EPHX3: variants seen among roughly 807,000 people sequenced by gnomAD.
The protein encoded by EPHX3 is epoxide hydrolase 3, also known as abhydrolase domain containing 9.
EPHX3 carries 39 observed loss-of-function variants against 40.2 expected under a neutral mutation model. That is an observed-to-expected ratio of 0.97 (90% CI 0.75 to 1.27). EPHX3 has a LOEUF of 1.27. Among genes scored for constraint, EPHX3 ranks in the 50% most tolerant of loss-of-function variants. The pLI, the probability that EPHX3 is intolerant of heterozygous loss-of-function variation, is 0.00. For synonymous variants in EPHX3, 213 were observed against 209.7 expected (o/e 1.02, Z -0.14); for missense variants, 442 against 474.0 (o/e 0.93, Z 0.63).
rs781166308 is a variant in EPHX3 at position 15,231,237 on chromosome 19, A to C, written c.487+2T>G. 1.2e-6 allele frequency: 2 copies of C among 1,613,870 alleles called. No individual in the cohort carries two copies. The highest frequency in any genetic ancestry group is 1.1e-5 in the South Asian group (1 of 91,070). On this transcript the variant is annotated splice_donor_variant, in intron 3 of 6. Transcript: ENST00000221730. LOFTEE classifies it high-confidence loss of function. Reference sequence around the variant, plus strand: ...ACGCCTAGGATGGGGGTATGTCTGCACCCAGGCCTAGGATGACATCTTTGA... The same window carrying C: ...ACGCCTAGGATGGGGGTATGTCTGCCCCCAGGCCTAGGATGACATCTTTGA...
At chr19:15,229,885 C>CAAAAAAA (rs546876108) in intron 4 of EPHX3, among the ~76,000 whole-genome samples, 5 of 9,368 alleles carry the variant, frequency 5.3e-4, no homozygotes, top group East Asian at 5.2e-3. Context: ...GACTCTGTCT[C>CAAAAAAA]AAAAAAAAAA....
At chr19:15,227,710 T>C (rs2145478547) in intron 6 of EPHX3, 48 bp from the exon 7 acceptor site, 1 of 1,610,028 alleles carries the variant, frequency 6.2e-7, no homozygotes, top group South Asian at 1.1e-5. Flanking sequence ...AGAAGGATGG[T>C]TGCCTCCCAC....
At chr19:15,235,686 G>A (rs1037479948), upstream of EPHX3, 2 of 152,044 alleles carry the variant, frequency 1.3e-5, no homozygotes, top group Admixed American at 6.6e-5. Flanking sequence ...CAAGCGATCC[G>A]TGCATACAGT....
Position 15,228,055 on chromosome 19 carries a change from A to C in EPHX3, c.662T>G (p.Met221Arg). 1.5e-6 allele frequency: 2 copies of C among 1,357,194 alleles called. No homozygotes were observed. Among genetic ancestry groups the C allele is most frequent in the South Asian group, 1.1e-5 (1 of 87,404 alleles). The allele number at this position is 1,357,194 out of a possible 1,614,324, so 84.1% of individuals were successfully genotyped here. Residue 221 changes from methionine (M) to arginine (R), a missense_variant, in exon 5 of 7, where the codon ATG becomes AGG. Coordinates refer to ENST00000221730, the MANE Select transcript of EPHX3 (RefSeq NM_024794.3). ...CAGCCAGGGCAGCTGGAACAGGAAC[A>C]TGTAGTGGGAACGGAAGAACTGGCT... ...HISQFFRSHY[M>R]FLFQLPWLPE...
Position 15,232,146 on chromosome 19 carries a change from G to T in EPHX3, c.66C>A (p.Ala22=). The change falls in exon 1 of 7, where the codon GCC becomes GCA. Residue 22 remains alanine (A), a synonymous_variant. Coordinates refer to ENST00000221730, the MANE Select transcript of EPHX3 (RefSeq NM_024794.3). ...PSRLSLKLLR[A]FMWSLVFSVA... is the part of the protein sequence containing the mutation. ...CCGAGAACACCAGGCTCCACATGAA[G>T]GCGCGCAGCAGCTTCAGCGACAGGC... 1 of 1,534,074 alleles carries T rather than the reference G, an allele frequency of 6.5e-7. No homozygotes were observed. The highest frequency in any genetic ancestry group is 8.7e-7 in the Non-Finnish European group (1 of 1,147,724).
upstream of EPHX3, among the ~76,000 whole-genome samples, chr19:15,234,753 T>C (rs1245444060): frequency 6.6e-6 from 1 of 152,152 alleles, no homozygotes; most frequent in African/African-American, 2.4e-5. Flanking sequence ...CTTTTATCCA[T>C]ATACCTTTGT....
At chr19:15,232,488 GA>G, upstream of EPHX3, 9 of 1,244,296 alleles carry the variant, frequency 7.2e-6, no homozygotes, top group East Asian at 3.5e-5. Context: ...GGAAAGGGGG[GA>G]AATAAATGGG....
At chr19:15,234,370 A>G (rs2145488588), upstream of EPHX3, among the ~76,000 whole-genome samples, 1 of 151,978 alleles carries the variant, frequency 6.6e-6, no homozygotes. Context: ...TTTTTTTTTC[A>G]GATGGAGTTT....
rs765069979 is a variant in EPHX3, at chr19:15,231,822, C to T, written c.283G>A (p.Gly95Ser). Residue 95 changes from glycine (G) to serine (S), a missense_variant, in exon 2 of 7, where the codon GGT becomes AGT. Gly to Ser is a moderately conservative substitution (Grantham distance 56). Transcript: ENST00000221730. The stretch of plus-strand genomic sequence containing the variant: ...AGAAACAGCATGAGGGGTCCGTTAC[C>T]TCGTCCAGCCGAGACATAGTGCAGA... The part of the protein sequence containing the change: ...LRLHYVSAGR[G>S]NGPLMLFLHG... The T allele has an allele frequency of 3.1e-6, 5 of 1,613,848 alleles. No homozygotes were observed. The South Asian group carries it at 5.5e-5, about 18-fold the overall frequency.
upstream of EPHX3, chr19:15,236,339 C>T (rs1028965182): frequency 1.3e-5 from 2 of 152,138 alleles, no homozygotes; most frequent in African/African-American, 4.8e-5. Context: ...TGTGGGCTTT[C>T]TTGGACAGGA....
chr19:15,236,102 T>G (rs1447214124), upstream of EPHX3: 2 of 152,160 alleles, frequency 1.3e-5, no homozygotes, highest in Non-Finnish European at 2.9e-5. Context: ...AACCACACCC[T>G]CACAGGGAGG....
At chr19:15,230,629 C>T (rs1017080807) in intron 4 of EPHX3, among the ~76,000 whole-genome samples, 6 of 151,686 alleles carry the variant, frequency 4.0e-5, no homozygotes, top group African/African-American at 1.5e-4. Flanking sequence ...TACAGGCATG[C>T]ACCACCAATG....
Position 15,230,977 on chromosome 19 carries a change from TGGG to T in EPHX3, c.598_600del (p.Pro200del), listed in dbSNP as rs746560346. On this transcript the variant is annotated inframe_deletion, in exon 4 of 7. Transcript: ENST00000221730. Reference sequence around the variant, plus strand: ...CCACACACACCTTGGTACACCGACATGGGGGCACCACTGACCACAACCATCCGC... The same window carrying T: ...CCACACACACCTTGGTACACCGACATGGCACCACTGACCACAACCATCCGC... 6.2e-7 allele frequency: 1 copy of T among 1,613,776 alleles called. No individual in the cohort carries two copies. Among genetic ancestry groups the T allele is most frequent in the African/African-American group, 1.3e-5 (1 of 74,874 alleles).
upstream of EPHX3, among the ~76,000 whole-genome samples, chr19:15,233,908 A>G (rs1228707939): frequency 1.3e-5 from 2 of 151,974 alleles, no homozygotes; most frequent in African/African-American, 4.8e-5. Flanking sequence ...AAAATACAAA[A>G]AATTAGCCAG....
chr19:15,234,683 C>T (rs1399633929), upstream of EPHX3, among the ~76,000 whole-genome samples: 1 of 152,252 alleles, frequency 6.6e-6, no homozygotes, highest in East Asian at 1.9e-4. Context: ...TTTTTTGTTT[C>T]CCTGTTAGTT....
In EPHX3 at chr19:15,232,311, G is replaced by C; in HGVS notation, c.-100C>G. 2.9e-6 allele frequency: 4 copies of C among 1,386,038 alleles called. No homozygotes were observed. Among genetic ancestry groups the C allele is most frequent in the Non-Finnish European group, 3.7e-6 (4 of 1,081,150 alleles). 85.9% of individuals were successfully genotyped at this position (1,386,038 alleles called of 1,614,324 possible). ...TCAGGGGCCCATCGCCCTTGGCCTG[G>C]GGCCCCTCCGTGCCGTCGGGATTTG... is the stretch of plus-strand genomic sequence containing the variant. On this transcript the variant is annotated 5_prime_UTR_variant, in exon 1 of 7. Transcript: ENST00000221730.
At chr19:15,235,847 A>G (rs764644523), upstream of EPHX3, 2 of 152,292 alleles carry the variant, frequency 1.3e-5, no homozygotes, top group African/African-American at 4.8e-5. Context: ...AGGTGTGGAG[A>G]AGGCCATGGC....
chr19:15,228,226 T>C, intron 4 of EPHX3, 126 bp from the exon 5 acceptor site: 1 of 730,630 alleles, frequency 1.4e-6, no homozygotes, highest in Non-Finnish European at 2.3e-6. Flanking sequence ...CCTGCCTGGG[T>C]CTGTGAAGGT....
At chr19:15,230,368 A>C (rs962780347) in intron 4 of EPHX3, among the ~76,000 whole-genome samples, 1 of 151,660 alleles carries the variant, frequency 6.6e-6, no homozygotes, top group Admixed American at 6.6e-5. Flanking sequence ...ACGGGGTTTC[A>C]CCATGTTGGC....
Sources: allele counts gnomAD v4.1 joint callset (sites outside exome capture counted in the v4.1 genomes callset), GRCh38; gene constraint gnomAD v4.1.1; transcripts MANE v1.5; gene names NCBI Gene and HGNC (gene_info 2026-07-23, HGNC 2026-07-21).